ZFR2: variants seen among roughly 807,000 people sequenced by gnomAD.
ZFR2 encodes zinc finger RNA binding protein 2, also known as zinc finger RNA-binding protein 2.
ZFR2 carries 104 observed loss-of-function variants against 105.7 expected under a neutral mutation model. The observed-to-expected ratio is 0.98, with a 90% CI of 0.84 to 1.16. ZFR2 has a LOEUF of 1.16. Ranked by LOEUF, ZFR2 falls within the 50% of genes most tolerant of loss-of-function variation. The probability of loss-of-function intolerance (pLI) is 0.00; values close to 1 mark genes in which losing one functional copy is unlikely to be tolerated. For missense variants in ZFR2, 1,425 were observed against 1,355.5 expected (o/e 1.05, Z -0.80); for synonymous variants, 634 against 597.7 (o/e 1.06, Z -0.89).
Position 3,831,781 on chromosome 19 carries a change from C to G in ZFR2, c.477G>C (p.Ala159=). Residue 159 remains alanine (A), a synonymous_variant, in exon 4 of 19, where the codon GCG becomes GCC. Transcript: ENST00000262961. ...AGGTGTATCCCGAGGACAAGGTGCT[C>G]GCTGGCTGTCCGGACTCCACTATGG... ...QAPIVESGQP[A]STLSSGYTYP... is the part of the protein sequence containing the mutation. 5.0e-6 allele frequency: 8 copies of G among 1,610,384 alleles called. No homozygotes were observed. The highest frequency in any genetic ancestry group is 6.8e-6 in the Non-Finnish European group (8 of 1,179,312).
At chr19:3,812,891 C>T (rs2037781701) in intron 14 of ZFR2, among the ~76,000 whole-genome samples, 1 of 152,080 alleles carries the variant, frequency 6.6e-6, no homozygotes, top group South Asian at 2.1e-4. Context: ...CCAACCTGGC[C>T]AACCTGGTAA....
chr19:3,832,336 T>A (rs1048886889), intron 3 of ZFR2, among the ~76,000 whole-genome samples: 7 of 151,962 alleles, frequency 4.6e-5, no homozygotes, highest in African/African-American at 1.5e-4. Context: ...TATTTTTTTT[T>A]TTTTGAGTCG....
intron 6 of ZFR2, among the ~76,000 whole-genome samples, chr19:3,827,228 C>T (rs185887449): frequency 2.6e-5 from 4 of 152,192 alleles, no homozygotes; most frequent in South Asian, 2.1e-4. Context: ...GGGAACAGGA[C>T]GAGACTTTGT....
At chr19:3,821,790 T>C (rs2037896413) in intron 9 of ZFR2, among the ~76,000 whole-genome samples, 1 of 151,768 alleles carries the variant, frequency 6.6e-6, no homozygotes, top group Admixed American at 6.6e-5. Context: ...ATTTTTGTAT[T>C]TTTAGTAAAG....
chr19:3,854,444 G>C (rs897559871), intron 1 of ZFR2, among the ~76,000 whole-genome samples: 1 of 152,024 alleles, frequency 6.6e-6, no homozygotes, highest in African/African-American at 2.4e-5. Context: ...CATAACAGGC[G>C]CTTCACAGCC....
intron 1 of ZFR2, among the ~76,000 whole-genome samples, chr19:3,837,062 G>T (rs1040195889): frequency 6.6e-6 from 1 of 152,212 alleles, no homozygotes. Flanking sequence ...CTGCCAGCCA[G>T]GTGAGTCATC....
At chr19:3,810,217 G>A (rs1353475785) in intron 16 of ZFR2, among the ~76,000 whole-genome samples, 2 of 152,242 alleles carry the variant, frequency 1.3e-5, no homozygotes, top group Non-Finnish European at 2.9e-5. Flanking sequence ...GGTGGAGAAG[G>A]TGTGGGGACT....
In ZFR2 at chr19:3,810,771, G is replaced by A. The variant is rs1238420169; in HGVS notation, c.2412C>T (p.Thr804=). The A allele has an allele frequency of 1.9e-6, 3 of 1,549,774 alleles. No homozygotes were observed. The highest frequency in any genetic ancestry group is 2.6e-6 in the Non-Finnish European group (3 of 1,146,594). Residue 804 remains threonine, a synonymous_variant, in exon 16 of 19, where the codon ACC becomes ACT. Transcript: ENST00000262961. ...TTACCCAGGCTGGCAGGGCCCCCCA[G>A]GTGGGCACACGCCGGCAGAGGTCCC... ...VLRDLCRRVP[T]WGALPAWAME... is the part of the protein sequence containing the mutation.
intron 1 of ZFR2, 68 bp downstream of exon 1, chr19:3,868,897 G>A (rs2038466654): frequency 3.2e-5 from 38 of 1,179,294 alleles, no homozygotes; most frequent in Non-Finnish European, 4.1e-5. Flanking sequence ...CGGGAGAAGG[G>A]GTAGGCGGGG....
intron 5 of ZFR2, among the ~76,000 whole-genome samples, chr19:3,828,620 A>G (rs774549593): frequency 1.3e-5 from 2 of 152,132 alleles, no homozygotes; most frequent in Non-Finnish European, 2.9e-5. Context: ...ATCCGGTACT[A>G]CTGGGCCCAA....
Position 3,806,116 on chromosome 19 carries a change from G to A in ZFR2, c.2653C>T (p.Arg885Ter), listed in dbSNP as rs375337964. The change falls in exon 19 of 19, where the codon CGA becomes TGA. Residue 885 changes from arginine to a stop codon, truncating the protein, a stop_gained. Transcript: ENST00000262961. LOFTEE classifies it low-confidence loss of function (END_TRUNC). ...DVTASAQHAL[R>*]MLAFRQTHKV... ...TGGGTCTGCCGGAAGGCCAGCATTCGCAGGGCGTGCTGCGGGGCACACACA... is the reference window on the plus strand; with the variant it reads ...TGGGTCTGCCGGAAGGCCAGCATTCACAGGGCGTGCTGCGGGGCACACACA... 8.2e-6 allele frequency: 12 copies of A among 1,458,090 alleles called. No homozygotes were observed. The highest frequency in any genetic ancestry group is 2.9e-5 in the African/African-American group (2 of 69,370). The allele number at this position is 1,458,090 out of a possible 1,614,324, so 90.3% of individuals were successfully genotyped here. A position where few individuals can be genotyped will look rare whatever the true frequency, so the allele number is the denominator to read the frequency against.
chr19:3,811,196 C>A, intron 15 of ZFR2, 76 bp downstream of exon 15: 1 of 1,394,532 alleles, frequency 7.2e-7, no homozygotes, highest in Non-Finnish European at 9.5e-7. Context: ...GCGGCCGCGC[C>A]GGGTTGACCT....
At position 3,804,619 on chromosome 19, in the gene ZFR2, A is replaced by G. The variant is rs113556595; in HGVS notation, c.*1330T>C. ...CGGGGGAGGCCCAGCCAGGATCCTC[A>G]TCGCCCGTCGGCGTGTCCACCTGGC... On this transcript the variant is annotated 3_prime_UTR_variant, in exon 19 of 19. Coordinates refer to ENST00000262961, the MANE Select transcript of ZFR2 (RefSeq NM_015174.2). 11,014 of 150,488 alleles carry G rather than the reference A, an allele frequency of 0.073. 1,207 individuals carry two copies. Among genetic ancestry groups the G allele is most frequent in the African/African-American group, 0.24 (9,906 of 40,998 alleles). 9.3% of individuals were successfully genotyped at this position (150,488 alleles called of 1,614,324 possible). A position where few individuals can be genotyped will look rare whatever the true frequency, so the allele number is the denominator to read the frequency against.
intron 1 of ZFR2, among the ~76,000 whole-genome samples, chr19:3,853,705 T>C (rs1054530014): frequency 6.6e-6 from 1 of 152,108 alleles, no homozygotes; most frequent in Non-Finnish European, 1.5e-5. Flanking sequence ...CTAATGGAGA[T>C]GGAGTTTCCT....
chr19:3,818,825 A>G (rs777028344), intron 12 of ZFR2, among the ~76,000 whole-genome samples: 1 of 152,356 alleles, frequency 6.6e-6, no homozygotes, highest in Middle Eastern at 3.4e-3. Flanking sequence ...AAGGCATTAG[A>G]ACAGCACGGA....
Position 3,831,850 on chromosome 19 carries a change from G to C in ZFR2, c.408C>G (p.Ser136Arg). 1 of 1,597,062 alleles carries C rather than the reference G, an allele frequency of 6.3e-7. No homozygotes were observed. The highest frequency in any genetic ancestry group is 1.1e-5 in the South Asian group (1 of 89,926). ...PGTQEACGQP[S>R]PHGSHSHAQP... ...GAGCGTGGCTGTGACTGCCATGGGGGCTGGGCTGCCCGCAGGCTTCTTGGG... is the reference window on the plus strand; with the variant it reads ...GAGCGTGGCTGTGACTGCCATGGGGCCTGGGCTGCCCGCAGGCTTCTTGGG... The change falls in exon 4 of 19, where the codon AGC becomes AGG. Residue 136 changes from serine (S) to arginine (R), a missense_variant. Ser to Arg is a moderately radical substitution (Grantham distance 110). Coordinates refer to ENST00000262961, the MANE Select transcript of ZFR2 (RefSeq NM_015174.2).
chr19:3,831,034 C>A (rs975795794), intron 5 of ZFR2, among the ~76,000 whole-genome samples: 3 of 151,830 alleles, frequency 2.0e-5, no homozygotes, highest in Non-Finnish European at 4.4e-5. Context: ...CGCACACATA[C>A]GTGCAAGCAC....
rs1303292761 is a variant in ZFR2 at position 3,816,244 on chromosome 19, T to TC, written c.2103+429_2103+430insG. 8.8e-3 allele frequency among the ~76,000 whole-genome samples: 344 copies of TC among 39,060 alleles called. 5 individuals carry two copies. The highest frequency in any genetic ancestry group is 0.055 in the African/African-American group (324 of 5,870). The allele number at this position is 39,060 out of a possible 152,430, so 25.6% of individuals were successfully genotyped here. On this transcript the variant is annotated intron_variant, in intron 13 of 18. Transcript: ENST00000262961. ...TAACAGCGATGCTTCTTCTTGTATC[T>TC]TTTTTTTTTTTTTTTTTTTGAGACC...
intron 13 of ZFR2, among the ~76,000 whole-genome samples, chr19:3,815,901 G>A (rs562322071): frequency 4.6e-5 from 7 of 151,928 alleles, no homozygotes; most frequent in South Asian, 2.1e-4. Flanking sequence ...ACAGGCGCCC[G>A]CCACCACGCC....
Sources: allele counts gnomAD v4.1 joint callset (sites outside exome capture counted in the v4.1 genomes callset), GRCh38; gene constraint gnomAD v4.1.1; transcripts MANE v1.5; gene names NCBI Gene and HGNC (gene_info 2026-07-23, HGNC 2026-07-21).